The following UBAP2L variants were observed in gnomAD, a reference collection of about 807,000 sequenced individuals.
UBAP2L encodes ubiquitin-associated protein 2-like.
In UBAP2L, 12 loss-of-function variants were observed where a neutral mutation model predicts 130.6. The ratio of observed to expected loss-of-function variants is 0.09; its 90% CI spans 0.06 to 0.15. UBAP2L has a LOEUF of 0.15. UBAP2L is among the 10% of genes least tolerant of loss of function. The pLI is 1.00. For missense variants in UBAP2L, 965 were observed against 1,332.5 expected (o/e 0.72, Z 4.29); for synonymous variants, 503 against 524.7 (o/e 0.96, Z 0.57).
rs549747554 is a variant in UBAP2L at position 154,235,594 on chromosome 1, C to A, written c.544+303C>A. ...GCGCGATCTTGGCTCACTGCAACCT[C>A]TGCCTCCCGGGTTCAAGCGATTCTT... On this transcript the variant is annotated intron_variant, in intron 6 of 26. Transcript: ENST00000428931. Among the ~76,000 whole-genome samples the A allele has an allele frequency of 5.9e-5, 9 of 152,146 alleles. No homozygotes were observed. The South Asian group carries it at 1.0e-3, about 18-fold the overall frequency.
intron 24 of UBAP2L, 181 bp from the exon 25 acceptor site, chr1:154,266,320 A>T: frequency 1.5e-6 from 1 of 675,782 alleles, no homozygotes; most frequent in Non-Finnish European, 2.7e-6. Flanking sequence ...GGGCCAAAGA[A>T]CCCTTAGGGA....
At chr1:154,250,099 T>G (rs1677015553) in intron 12 of UBAP2L, among the ~76,000 whole-genome samples, 2 of 152,198 alleles carry the variant, frequency 1.3e-5, no homozygotes, top group Non-Finnish European at 2.9e-5. Flanking sequence ...AAGGTCTAGT[T>G]CTGTCATCCA....
intron 15 of UBAP2L, chr1:154,254,529 A>G: frequency 2.0e-6 from 1 of 487,820 alleles, no homozygotes; most frequent in Non-Finnish European, 3.6e-6. Context: ...CCCAAAAATC[A>G]CTGGATGTGG....
rs769856118 is a variant in UBAP2L, at chr1:154,270,759, GTTTT to G, written c.*471_*474del. 2.4e-5 allele frequency: 27 copies of G among 1,139,784 alleles called. No homozygotes were observed. The highest frequency in any genetic ancestry group is 2.3e-4 in the African/African-American group (13 of 57,488). The allele number at this position is 1,139,784 out of a possible 1,614,324, so 70.6% of individuals were successfully genotyped here. A position where few individuals can be genotyped will look rare whatever the true frequency, so the allele number is the denominator to read the frequency against. ...ATTGTCAGATGAATTAGTTGAAGTGGTTTTTTTTTTGTTTTTTTTTTTTTTTTGT... is the reference window on the plus strand; with the variant it reads ...ATTGTCAGATGAATTAGTTGAAGTGGTTTTTTGTTTTTTTTTTTTTTTTGT... On this transcript the variant is annotated 3_prime_UTR_variant, in exon 27 of 27. Coordinates refer to ENST00000428931, the MANE Select transcript of UBAP2L (RefSeq NM_014847.4).
intron 24 of UBAP2L, among the ~76,000 whole-genome samples, chr1:154,262,032 G>A (rs150624133): frequency 3.9e-4 from 60 of 152,344 alleles, no homozygotes; most frequent in African/African-American, 1.4e-3. Context: ...TTAATAGTAT[G>A]TATGGCACTG....
In UBAP2L at chr1:154,237,108, T is replaced by C. The variant is rs35699480; in HGVS notation, c.675T>C (p.Thr225=). The C allele has an allele frequency of 3.3e-3, 5,350 of 1,614,140 alleles. 154 individuals carry two copies. The African/African-American group carries it at 0.064, about 19-fold the overall frequency. ...GNSSGNTWNN[T]GHFEPDDGTS... ...GCAGCGGCAATACGTGGAACAACAC[T>C]GGCCACTTTGAACCAGATGATGGGA... Residue 225 remains threonine, a synonymous_variant, in exon 8 of 27, where the codon ACT becomes ACC. Coordinates refer to ENST00000428931, the MANE Select transcript of UBAP2L (RefSeq NM_014847.4).
Position 154,251,034 on chromosome 1 carries a change from C to T in UBAP2L, c.1214-7C>T, listed in dbSNP as rs779742460. 1 of 1,601,144 alleles carries T rather than the reference C, an allele frequency of 6.2e-7. No individual in the cohort carries two copies. Among genetic ancestry groups the T allele is most frequent in the South Asian group, 1.1e-5 (1 of 90,258 alleles). On this transcript the variant is annotated splice_polypyrimidine_tract_variant and splice_region_variant and intron_variant, in intron 12 of 26. Transcript: ENST00000428931. ...TCTGGCTTCATATACTGGGTTTCCT[C>T]TTGCAGATTTGAAGAACCCAAGTGA...
At chr1:154,229,377 G>A (rs899074275) in intron 4 of UBAP2L, among the ~76,000 whole-genome samples, 1 of 151,974 alleles carries the variant, frequency 6.6e-6, no homozygotes, top group African/African-American at 2.4e-5. Flanking sequence ...TCTTATGTTT[G>A]TACCAAATTG....
intron 21 of UBAP2L, 181 bp from the exon 22 acceptor site, chr1:154,259,767 G>C: frequency 1.3e-6 from 1 of 769,244 alleles, no homozygotes; most frequent in Non-Finnish European, 2.3e-6. Context: ...CTCATGGCCA[G>C]GCAGGGGGGA....
At chr1:154,254,332 T>C (rs1229549443) in intron 15 of UBAP2L, among the ~76,000 whole-genome samples, 1 of 152,206 alleles carries the variant, frequency 6.6e-6, no homozygotes, top group Non-Finnish European at 1.5e-5. Flanking sequence ...GTAGAATCAG[T>C]CTCAAGTGCC....
chr1:154,260,840 G>A lies in UBAP2L; in HGVS notation c.2579-52G>A, dbSNP rs117713334. ...ATGTGAAATCAGAAGAGGTAATTCTGTATTGGTATTGGGGTGAAAGAGGCA... is the reference window on the plus strand; with the variant it reads ...ATGTGAAATCAGAAGAGGTAATTCTATATTGGTATTGGGGTGAAAGAGGCA... On this transcript the variant is annotated intron_variant, in intron 22 of 26. Transcript: ENST00000428931. The A allele has an allele frequency of 4.2e-4, 652 of 1,542,676 alleles. 5 individuals are homozygous for A. The East Asian group carries it at 0.012, about 29-fold the overall frequency.
At chr1:154,228,462 T>C (rs1197084406) in intron 3 of UBAP2L, among the ~76,000 whole-genome samples, 153 bp from the exon 4 acceptor site, 1 of 152,186 alleles carries the variant, frequency 6.6e-6, no homozygotes, top group Non-Finnish European at 1.5e-5. Flanking sequence ...GCTGGGATTA[T>C]AGGCGTGAGC....
intron 16 of UBAP2L, 74 bp downstream of exon 16, chr1:154,254,964 C>T (rs1679129335): frequency 1.3e-6 from 2 of 1,528,274 alleles, no homozygotes; most frequent in South Asian, 1.2e-5. Flanking sequence ...TCCATTAGTT[C>T]CCTTCACTGG....
upstream of UBAP2L, chr1:154,220,384 G>A (rs142062765): frequency 8.3e-4 from 1,341 of 1,614,228 alleles, 12 homozygotes; most frequent in African/African-American, 0.015. Context: ...TCACCCCGGA[G>A]AGCCAGTTAC....
At chr1:154,255,541 C>T in intron 17 of UBAP2L, 142 bp from the exon 18 acceptor site, 1 of 1,134,856 alleles carries the variant, frequency 8.8e-7, no homozygotes, top group Non-Finnish European at 1.3e-6. Context: ...CTACCCCTGG[C>T]TGGCCATTGT....
Position 154,258,958 on chromosome 1 carries a change from A to C in UBAP2L, c.2443-19A>C, listed in dbSNP as rs767837221. 6.2e-7 allele frequency: 1 copy of C among 1,611,684 alleles called. No individual in the cohort carries two copies. The highest frequency in any genetic ancestry group is 1.7e-5 in the Admixed American group (1 of 59,908). On this transcript the variant is annotated intron_variant, in intron 20 of 26. Transcript: ENST00000428931. ...ATCATGACCAGTTCCTGTTATTGCT[A>C]TATGTCTGTATCTTTCAGCCACAAG...
At position 154,249,501 on chromosome 1, in the gene UBAP2L, A is replaced by AG. The variant is rs1275963314; in HGVS notation, c.1213+69dup. ...GGAGCATTACTGTCAAGAGGCTAGCAGGGGGAGGGGGTGGAGAATGTGTCC... is the reference window on the plus strand; with the variant it reads ...GGAGCATTACTGTCAAGAGGCTAGCAGGGGGGAGGGGGTGGAGAATGTGTCC... On this transcript the variant is annotated intron_variant, in intron 12 of 26. Transcript: ENST00000428931. 13 of 1,593,112 alleles carry AG rather than the reference A, an allele frequency of 8.2e-6. No homozygotes were observed. In the East Asian group the frequency reaches 2.7e-4, roughly 33 times the overall value.
chr1:154,238,937 C>T (rs892841580), intron 8 of UBAP2L, among the ~76,000 whole-genome samples: 3 of 151,616 alleles, frequency 2.0e-5, no homozygotes, highest in Admixed American at 6.6e-5. Flanking sequence ...GATGGGGTTT[C>T]ACTATGTTGG....
intron 9 of UBAP2L, chr1:154,242,911 T>C (rs766303022): frequency 2.2e-4 from 39 of 175,682 alleles, no homozygotes; most frequent in Non-Finnish European, 3.0e-4. Context: ...TGGGAAAATA[T>C]AGAGGGATTT....
Sources: gnomAD v4.1 joint callset for allele counts (sites outside exome capture counted in the v4.1 genomes callset) on GRCh38, gnomAD v4.1.1 for gene constraint, MANE v1.5 for transcripts, NCBI Gene and HGNC (gene_info 2026-07-23, HGNC 2026-07-21) for gene names.